Variants in UBR4 observed in about 807,000 individuals in gnomAD.
UBR4 encodes the protein E3 ubiquitin-protein ligase UBR4.
A neutral mutation model predicts 575.6 loss-of-function variants in UBR4; 124 were observed. That is an observed-to-expected ratio of 0.22 (90% CI 0.19 to 0.25). UBR4 has a LOEUF of 0.25. Among genes scored for constraint, UBR4 ranks in the 10% least tolerant of loss-of-function variants. The pLI, the probability that UBR4 is intolerant of heterozygous loss-of-function variation, is 1.00. For synonymous variants in UBR4, 2,455 were observed against 2,473.7 expected (o/e 0.99, Z 0.22); for missense variants, 4,818 against 6,478.8 (o/e 0.74, Z 8.80).
At chr1:19,104,434 A>C in intron 86 of UBR4, 151 bp downstream of exon 86, 2 of 1,135,806 alleles carry the variant, frequency 1.8e-6, no homozygotes, top group Middle Eastern at 2.5e-4. Context: ...CAAAATCATA[A>C]ACGTATCAAT....
chr1:19,182,671 G>T (rs142562129), intron 17 of UBR4, among the ~76,000 whole-genome samples: 1 of 152,124 alleles, frequency 6.6e-6, no homozygotes, highest in South Asian at 2.1e-4. Flanking sequence ...GCGTGTAAGC[G>T]AAGTGGTATC....
At position 19,155,443 on chromosome 1, in the gene UBR4, T is replaced by C. The variant is rs1253449130; in HGVS notation, c.6298A>G (p.Lys2100Glu). The part of the protein sequence containing the change: ...NVLEINHEDL[K>E]DSNSQVAGGG... ...GAAATAGCAACATGTGCTCTAACCT[T>C]CAGGTCCTCATGATTGATTTCCAAC... Residue 2100 changes from lysine to glutamate, a missense_variant and splice_region_variant, in exon 43 of 106, where the codon AAG becomes GAG. By Grantham distance (56) the Lys-to-Glu change is moderately conservative (BLOSUM62 1). Coordinates refer to ENST00000375254, the MANE Select transcript of UBR4 (RefSeq NM_020765.3). 6.2e-7 allele frequency: 1 copy of C among 1,613,868 alleles called. No individual in the cohort carries two copies. Among genetic ancestry groups the C allele is most frequent in the Admixed American group, 1.7e-5 (1 of 59,990 alleles).
Position 19,112,559 on chromosome 1 carries a change from C to T in UBR4, c.11766G>A (p.Arg3922=), listed in dbSNP as rs749220230. The T allele has an allele frequency of 2.5e-5, 40 of 1,613,648 alleles. No individual in the cohort carries two copies. Among genetic ancestry groups the T allele is most frequent in the Non-Finnish European group, 3.2e-5 (38 of 1,179,786 alleles). Reference sequence around the variant, plus strand: ...GGCACATGAGCTGGCGGACCTCCTCCCGCATGGCCGCAGCCCCTCGGCGAA... The same window carrying T: ...GGCACATGAGCTGGCGGACCTCCTCTCGCATGGCCGCAGCCCCTCGGCGAA... ...YNLRRGAAAM[R]EEVRQLMCLL... Residue 3922 remains arginine (R), a synonymous_variant, in exon 78 of 106, where the codon CGG becomes CGA. Transcript: ENST00000375254.
Position 19,087,833 on chromosome 1 carries a change from C to G in UBR4, c.14527G>C (p.Glu4843Gln). 6.2e-7 allele frequency: 1 copy of G among 1,610,600 alleles called. No homozygotes were observed. The highest frequency in any genetic ancestry group is 1.7e-4 in the Middle Eastern group (1 of 5,862). ...EPGLTCCICREGYKFQPTKVL... is the reference protein window; with the variant it reads ...EPGLTCCICRQGYKFQPTKVL... ...AGCTGTACCTGGAACTTGTATCCCT[C>G]CCTGCAGATGCAGCACGTGAGGCCA... is the stretch of plus-strand genomic sequence containing the variant. Residue 4843 changes from glutamate (E) to glutamine (Q), a missense_variant, in exon 99 of 106, where the codon GAG becomes CAG. Around this residue, in one of 29 missense-constraint regions of UBR4, gnomAD observed 196 missense variants for 386.8 expected, o/e 0.51. Coordinates refer to ENST00000375254, the MANE Select transcript of UBR4 (RefSeq NM_020765.3).
chr1:19,158,509 G>T (rs1425156601), intron 39 of UBR4, among the ~76,000 whole-genome samples: 2 of 152,094 alleles, frequency 1.3e-5, no homozygotes, highest in East Asian at 3.9e-4. Flanking sequence ...TCAGTGGTGA[G>T]TGCAGTGATG....
At position 19,180,118 on chromosome 1, in the gene UBR4, T is replaced by C. The variant is rs112816659; in HGVS notation, c.2185-898A>G. 4.3e-3 allele frequency among the ~76,000 whole-genome samples: 659 copies of C among 152,290 alleles called. 5 individuals carry two copies. The highest frequency in any genetic ancestry group is 0.017 in the Middle Eastern group (5 of 294). ...GAGACAGGAAGTATTATGTGCTCCA[T>C]GTCACTGATAAGGGATGGTGAAGGT... On this transcript the variant is annotated intron_variant, in intron 17 of 105. Transcript: ENST00000375254.
chr1:19,104,288 G>A (rs1370942923), intron 86 of UBR4, 31 bp from the exon 87 acceptor site: 1 of 1,610,396 alleles, frequency 6.2e-7, no homozygotes, highest in African/African-American at 1.3e-5. Context: ...TGCTGTGAGA[G>A]CTCTGGATGA....
intron 60 of UBR4, among the ~76,000 whole-genome samples, chr1:19,132,387 G>C (rs2082588118): frequency 6.6e-6 from 1 of 151,754 alleles, no homozygotes; most frequent in Non-Finnish European, 1.5e-5. Flanking sequence ...TTGCTATGTT[G>C]AGCAGGCTGG....
At chr1:19,114,151 A>C in intron 75 of UBR4, 81 bp from the exon 76 acceptor site, 2 of 1,541,248 alleles carry the variant, frequency 1.3e-6, no homozygotes, top group Non-Finnish European at 1.8e-6. Flanking sequence ...CTAACCATTT[A>C]CCAGAACATT....
chr1:19,182,448 G>A (rs1195553675), intron 17 of UBR4, among the ~76,000 whole-genome samples: 2 of 151,958 alleles, frequency 1.3e-5, no homozygotes, highest in African/African-American at 4.8e-5. Flanking sequence ...AAACTCCTGA[G>A]CTCAAGTGAT....
chr1:19,164,356 C>T lies in UBR4; in HGVS notation c.4597G>A (p.Gly1533Ser). 6.2e-7 allele frequency: 1 copy of T among 1,614,182 alleles called. No individual in the cohort carries two copies. Among genetic ancestry groups the T allele is most frequent in the Non-Finnish European group, 8.5e-7 (1 of 1,180,034 alleles). Residue 1533 changes from glycine to serine, a missense_variant, in exon 33 of 106, where the codon GGC becomes AGC. This residue lies in a region of UBR4 where 1,172 missense variants were observed against 1,259.7 expected (regional missense o/e 0.93). Coordinates refer to ENST00000375254, the MANE Select transcript of UBR4 (RefSeq NM_020765.3). ...TEMLANGDGT[G>S]FPELMVVMAT... is the part of the protein sequence containing the mutation. ...ATCACAACCATAAGTTCAGGGAAGCCAGTCCCATCACCGTTGGCCAGCATC... is the reference window on the plus strand; with the variant it reads ...ATCACAACCATAAGTTCAGGGAAGCTAGTCCCATCACCGTTGGCCAGCATC...
intron 94 of UBR4, 140 bp downstream of exon 94, chr1:19,094,766 G>C: frequency 1.7e-6 from 2 of 1,155,456 alleles, no homozygotes; most frequent in Non-Finnish European, 2.4e-6. Flanking sequence ...GTCATCATTA[G>C]TTGAGTCCTA....
At chr1:19,203,261 G>A (rs1279525274) in intron 1 of UBR4, among the ~76,000 whole-genome samples, 1 of 151,994 alleles carries the variant, frequency 6.6e-6, no homozygotes, top group Non-Finnish European at 1.5e-5. Flanking sequence ...AGCAGTTTGG[G>A]AGACAGAGGC....
At chr1:19,169,706 A>G (rs1031032377) in intron 26 of UBR4, among the ~76,000 whole-genome samples, 174 bp from the exon 27 acceptor site, 1 of 152,336 alleles carries the variant, frequency 6.6e-6, no homozygotes. Flanking sequence ...AGAACCAGTT[A>G]ATTGCTTAAT....
Position 19,100,416 on chromosome 1 carries a change from C to G in UBR4, c.13181G>C (p.Cys4394Ser), listed in dbSNP as rs1374108770. The stretch of plus-strand genomic sequence containing the variant: ...ATCTTCCAGGAGGGCCACTAAGTCA[C>G]AGTCCTGGCAAATCTTGTTCTTTAT... ...RDIKNKICQDCDLVALLEDDS... is the reference protein window; with the variant it reads ...RDIKNKICQDSDLVALLEDDS... The change falls in exon 89 of 106, where the codon TGT becomes TCT. Residue 4394 changes from cysteine (C) to serine (S), a missense_variant. Cys to Ser is a moderately radical substitution (Grantham distance 112). Coordinates refer to ENST00000375254, the MANE Select transcript of UBR4 (RefSeq NM_020765.3). The surrounding 1 kb of genome is among the most constrained non-coding windows in gnomAD (Gnocchi z 4.2). 6.2e-7 allele frequency: 1 copy of G among 1,614,076 alleles called. No homozygotes were observed. Among genetic ancestry groups the G allele is most frequent in the Non-Finnish European group, 8.5e-7 (1 of 1,180,042 alleles).
rs1442050562 is a variant in UBR4, at chr1:19,149,864, T to C, written c.7430+713A>G. Reference sequence around the variant, plus strand: ...AAGCTCAGAGAAACCCGGAAACACATCCTAAGCAAACCATGTATGGATAGG... The same window carrying C: ...AAGCTCAGAGAAACCCGGAAACACACCCTAAGCAAACCATGTATGGATAGG... On this transcript the variant is annotated intron_variant, in intron 49 of 105. Coordinates refer to ENST00000375254, the MANE Select transcript of UBR4 (RefSeq NM_020765.3). The C allele has an allele frequency of 3.2e-6, 4 of 1,231,572 alleles. No homozygotes were observed. In the South Asian group the frequency reaches 5.4e-5, roughly 17 times the overall value. The allele number at this position is 1,231,572 out of a possible 1,614,324, so 76.3% of individuals were successfully genotyped here.
chr1:19,194,319 A>T (rs1011680173), intron 8 of UBR4, among the ~76,000 whole-genome samples: 1 of 152,186 alleles, frequency 6.6e-6, no homozygotes, highest in African/African-American at 2.4e-5. Context: ...TGAACCTAAA[A>T]TTGCTTTAAA....
At chr1:19,140,958 C>A (rs942922379) in intron 57 of UBR4, 66 bp from the exon 58 acceptor site, 79 of 1,471,530 alleles carry the variant, frequency 5.4e-5, no homozygotes, top group Non-Finnish European at 7.2e-5. Flanking sequence ...CTGCTTTGGC[C>A]ACCTGCTGCC....
intron 20 of UBR4, among the ~76,000 whole-genome samples, chr1:19,175,922 T>G (rs1031287775): frequency 6.6e-6 from 1 of 151,734 alleles, no homozygotes; most frequent in Non-Finnish European, 1.5e-5. Context: ...GCCTCTCGAG[T>G]AGCTGGCACC....
Sources: gnomAD v4.1 joint callset for allele counts (sites outside exome capture counted in the v4.1 genomes callset) on GRCh38, gnomAD v4.1.1 for gene constraint, gnomAD v4.1.1 regional missense constraint, Gnocchi (gnomAD v3.1) non-coding constraint, MANE v1.5 for transcripts, NCBI Gene and HGNC (gene_info 2026-07-23, HGNC 2026-07-21) for gene names.